The following ASIC2 variants were observed in gnomAD, a reference collection of about 807,000 sequenced individuals.
The protein encoded by ASIC2 is acid sensing ion channel subunit 2, also known as acid-sensing ion channel 2.
In ASIC2, 25 loss-of-function variants were observed where a neutral mutation model predicts 57.3. That is an observed-to-expected ratio of 0.44 (90% CI 0.32 to 0.61). ASIC2 has a LOEUF of 0.61. Among genes scored for constraint, ASIC2 ranks in the 20% least tolerant of loss-of-function variants. ASIC2 has a pLI of 0.06. For missense variants in ASIC2, 641 were observed against 738.1 expected (o/e 0.87, Z 1.52); for synonymous variants, 319 against 307.5 (o/e 1.04, Z -0.39).
At chr17:33,823,421 A>G (rs1912809136) in intron 1 of ASIC2, among the ~76,000 whole-genome samples, 2 of 149,424 alleles carry the variant, frequency 1.3e-5, no homozygotes, top group African/African-American at 4.9e-5. Context: ...TCGAGTCGAG[A>G]GTCAGAAAAC....
At chr17:33,888,934 C>T (rs8069564) in intron 1 of ASIC2, among the ~76,000 whole-genome samples, 25,889 of 151,936 alleles carry the variant, frequency 0.17, 2,346 homozygotes, top group African/African-American at 0.24. Context: ...AGCAGAGGGA[C>T]CCAAAAGAAT....
At chr17:33,764,610 T>C (rs970963479) in intron 1 of ASIC2, among the ~76,000 whole-genome samples, 1 of 152,170 alleles carries the variant, frequency 6.6e-6, no homozygotes, top group African/African-American at 2.4e-5. Context: ...ACTAACTTGC[T>C]AGCTCAGGTC....
At chr17:33,580,643 T>G (rs1042389547) in intron 1 of ASIC2, among the ~76,000 whole-genome samples, 6 of 152,072 alleles carry the variant, frequency 3.9e-5, no homozygotes, top group African/African-American at 7.2e-5. Context: ...GAAGACTCAA[T>G]GACCCCAGCT....
At chr17:33,625,163 CT>C (rs1231647160) in intron 1 of ASIC2, among the ~76,000 whole-genome samples, 1 of 152,014 alleles carries the variant, frequency 6.6e-6, no homozygotes, top group Non-Finnish European at 1.5e-5. Flanking sequence ...ATCTATCTAT[CT>C]ATCTATCTAT....
intron 1 of ASIC2, among the ~76,000 whole-genome samples, chr17:33,929,060 C>A (rs2881844): frequency 1.3e-5 from 2 of 151,908 alleles, no homozygotes; most frequent in African/African-American, 2.4e-5. Flanking sequence ...CTGCCTTAAC[C>A]AGGGTGCACA....
intron 1 of ASIC2, among the ~76,000 whole-genome samples, chr17:33,933,357 GA>G (rs1915986854): frequency 6.6e-6 from 1 of 152,168 alleles, no homozygotes. Flanking sequence ...GTTTCCTCCA[GA>G]CAGGGAGCCT....
At chr17:33,325,268 A>T (rs1907029513) in intron 1 of ASIC2, among the ~76,000 whole-genome samples, 1 of 152,252 alleles carries the variant, frequency 6.6e-6, no homozygotes. Context: ...AAGGAGAGGA[A>T]GGATGTCTCA....
At position 34,156,571 on chromosome 17, in the gene ASIC2, T is replaced by C; in HGVS notation, c.-39A>G. The C allele has an allele frequency of 6.5e-7, 1 of 1,535,224 alleles. No individual in the cohort carries two copies. The highest frequency in any genetic ancestry group is 8.8e-7 in the Non-Finnish European group (1 of 1,138,508). On this transcript the variant is annotated 5_prime_UTR_variant, in exon 1 of 10. Transcript: ENST00000359872. The surrounding 1 kb of genome is among the most constrained non-coding windows in gnomAD (Gnocchi z 4.4). ...AGTTCCGCAACTGGCTTCAGGTTGATCGAATTTCAGAGAAGAGCTCCCAGT... is the reference window on the plus strand; with the variant it reads ...AGTTCCGCAACTGGCTTCAGGTTGACCGAATTTCAGAGAAGAGCTCCCAGT...
At chr17:33,093,654 C>G (rs2092166399) in intron 2 of ASIC2, among the ~76,000 whole-genome samples, 1 of 151,946 alleles carries the variant, frequency 6.6e-6, no homozygotes, top group Admixed American at 6.5e-5. Context: ...ATAGGTGGCA[C>G]AAGGTGAGAT....
intron 1 of ASIC2, among the ~76,000 whole-genome samples, chr17:33,513,029 C>T (rs181995975): frequency 5.8e-4 from 89 of 152,242 alleles, no homozygotes; most frequent in Admixed American, 8.5e-4. Context: ...TTGCATTATA[C>T]GAAATAGTTT....
chr17:33,248,020 T>C (rs1242287001), intron 1 of ASIC2, among the ~76,000 whole-genome samples: 1 of 152,098 alleles, frequency 6.6e-6, no homozygotes, highest in African/African-American at 2.4e-5. Context: ...TAGAAGACTA[T>C]GAAATAGCAG....
chr17:34,096,832 G>A (rs1189968898), intron 1 of ASIC2, among the ~76,000 whole-genome samples: 1 of 140,570 alleles, frequency 7.1e-6, no homozygotes, highest in African/African-American at 2.8e-5. Flanking sequence ...ACTCCAGCCT[G>A]GGTGACAGGG....
At chr17:33,880,140 A>T (rs1914663163) in intron 1 of ASIC2, among the ~76,000 whole-genome samples, 1 of 152,258 alleles carries the variant, frequency 6.6e-6, no homozygotes, top group Non-Finnish European at 1.5e-5. Context: ...CTAAATGCCC[A>T]CAAGAGAAAG....
At chr17:33,615,013 G>A (rs1165342431) in intron 1 of ASIC2, among the ~76,000 whole-genome samples, 1 of 152,214 alleles carries the variant, frequency 6.6e-6, no homozygotes, top group African/African-American at 2.4e-5. Context: ...TGGCAAATGG[G>A]AAGAGCCATA....
chr17:33,691,593 T>C (rs1908369350), intron 1 of ASIC2, among the ~76,000 whole-genome samples: 3 of 152,220 alleles, frequency 2.0e-5, no homozygotes, highest in Non-Finnish European at 2.9e-5. Flanking sequence ...TTTAAGGAGC[T>C]ACTTATACAT....
intron 1 of ASIC2, among the ~76,000 whole-genome samples, chr17:33,728,720 G>A (rs1909641622): frequency 1.3e-5 from 2 of 152,162 alleles, no homozygotes; most frequent in South Asian, 4.2e-4. Context: ...TAGCTGTAGA[G>A]ATGTGAATTA....
At chr17:33,803,601 T>C (rs1359939641) in intron 1 of ASIC2, among the ~76,000 whole-genome samples, 3 of 150,796 alleles carry the variant, frequency 2.0e-5, no homozygotes, top group African/African-American at 7.3e-5. Context: ...TTTTTTTTTT[T>C]TTTTTTTTAA....
At chr17:33,348,539 G>A (rs1335250269) in intron 1 of ASIC2, among the ~76,000 whole-genome samples, 1 of 152,140 alleles carries the variant, frequency 6.6e-6, no homozygotes, top group East Asian at 1.9e-4. Context: ...TAGTTGTTGG[G>A]GTATTTGCTG....
At chr17:33,488,066 A>G (rs1597747715) in intron 1 of ASIC2, among the ~76,000 whole-genome samples, 1 of 152,214 alleles carries the variant, frequency 6.6e-6, no homozygotes, top group East Asian at 1.9e-4. Context: ...GTCCCTCTAG[A>G]GAACCTTGAC....
Sources: allele counts gnomAD v4.1 joint callset (sites outside exome capture counted in the v4.1 genomes callset), GRCh38; gene constraint gnomAD v4.1.1; non-coding constraint Gnocchi (gnomAD v3.1); transcripts MANE v1.5; gene names NCBI Gene and HGNC (gene_info 2026-07-23, HGNC 2026-07-21).